The following KCNQ1 variants were observed in gnomAD, a reference collection of about 807,000 sequenced individuals.
KCNQ1 encodes the protein potassium voltage-gated channel subfamily KQT member 1.
KCNQ1 carries 49 observed loss-of-function variants against 72.4 expected under a neutral mutation model. The observed-to-expected ratio is 0.68, with a 90% CI of 0.54 to 0.86. KCNQ1 has a LOEUF of 0.86. Ranked by LOEUF, KCNQ1 falls within the 40% of genes least tolerant of loss-of-function variation. The pLI is 0.00. For missense variants in KCNQ1, 790 were observed against 945.1 expected (o/e 0.84, Z 2.15); for synonymous variants, 450 against 412.6 (o/e 1.09, Z -1.10).
rs1850126800 is a variant in KCNQ1 at position 2,668,662 on chromosome 11, T to C, written c.1514+6581T>C. 1 of 398,644 alleles carries C rather than the reference T, an allele frequency of 2.5e-6. No individual in the cohort carries two copies. The highest frequency in any genetic ancestry group is 6.3e-4 in the Middle Eastern group (1 of 1,588). The allele number at this position is 398,644 out of a possible 1,614,324, so 24.7% of individuals were successfully genotyped here. A position where few individuals can be genotyped will look rare whatever the true frequency, so the allele number is the denominator to read the frequency against. On this transcript the variant is annotated intron_variant, in intron 11 of 15. Transcript: ENST00000155840. The surrounding 1 kb of genome is among the most constrained non-coding windows in gnomAD (Gnocchi z 4.3). The stretch of plus-strand genomic sequence containing the variant: ...TGGTCCTATATATCTTTAGATATTC[T>C]GGAGTCATTTGTCAGAGAGAGAGAT...
At chr11:2,709,790 C>G (rs943352415) in intron 11 of KCNQ1, among the ~76,000 whole-genome samples, 7 of 152,206 alleles carry the variant, frequency 4.6e-5, no homozygotes. Flanking sequence ...TTTCGAGGTT[C>G]ATTCATGCTG....
At chr11:2,622,908 T>G (rs1028287828) in intron 10 of KCNQ1, 1 of 398,528 alleles carries the variant, frequency 2.5e-6, no homozygotes. Context: ...TAGTTAACAT[T>G]AGGGCTCACT....
At chr11:2,755,288 T>A (rs1846281837) in intron 11 of KCNQ1, among the ~76,000 whole-genome samples, 1 of 152,184 alleles carries the variant, frequency 6.6e-6, no homozygotes, top group Non-Finnish European at 1.5e-5. Context: ...TTTTGCTCTG[T>A]GACCCGGGTT....
rs1385745165 is a variant in KCNQ1, at chr11:2,826,617, CAA to C, written c.1795-21149_1795-21148del. ...GAAATGCCCTGGATTGGCTGTGGCA[CAA>C]GAGGGCTGGCCCAGCACACCCAGCC... On this transcript the variant is annotated intron_variant, in intron 15 of 15. Transcript: ENST00000155840. This position sits in a 1 kb window ranked among gnomAD's most constrained non-coding sequence, Gnocchi z 4.2. Among the ~76,000 whole-genome samples the C allele has an allele frequency of 1.3e-5, 2 of 152,220 alleles. No homozygotes were observed. Among genetic ancestry groups the C allele is most frequent in the Non-Finnish European group, 2.9e-5 (2 of 68,038 alleles).
chr11:2,663,354 T>C lies in KCNQ1; in HGVS notation c.1514+1273T>C. 2.5e-6 allele frequency: 1 copy of C among 398,810 alleles called. No individual in the cohort carries two copies. Among genetic ancestry groups the C allele is most frequent in the East Asian group, 3.6e-5 (1 of 28,070 alleles). 24.7% of individuals were successfully genotyped at this position (398,810 alleles called of 1,614,324 possible). A position where few individuals can be genotyped will look rare whatever the true frequency, so the allele number is the denominator to read the frequency against. On this transcript the variant is annotated intron_variant, in intron 11 of 15. Transcript: ENST00000155840. This position sits in a 1 kb window ranked among gnomAD's most constrained non-coding sequence, Gnocchi z 5.2. The stretch of plus-strand genomic sequence containing the variant: ...AGGTGTGAGCAGGCTGGTAGCCAGA[T>C]GGGCTGCCCAGGTACAGGTCAGCAC...
intron 11 of KCNQ1, chr11:2,681,981 T>A: frequency 2.5e-6 from 1 of 398,628 alleles, no homozygotes; most frequent in Non-Finnish European, 4.4e-6. Flanking sequence ...CAGGCAAATA[T>A]AGACATCATT....
In KCNQ1 at chr11:2,746,577, A is replaced by G. The variant is rs1311066083; in HGVS notation, c.1515-22267A>G. ...AGGTGTTTGTAGGGTGTCCCTTACT[A>G]GGATCCGTCTGCTGCTGTCCTCACG... On this transcript the variant is annotated intron_variant, in intron 11 of 15. Transcript: ENST00000155840. This position sits in a 1 kb window ranked among gnomAD's most constrained non-coding sequence, Gnocchi z 5.9. 1.3e-5 allele frequency among the ~76,000 whole-genome samples: 2 copies of G among 152,124 alleles called. No homozygotes were observed. The highest frequency in any genetic ancestry group is 2.9e-5 in the Non-Finnish European group (2 of 68,010).
In KCNQ1 at chr11:2,654,067, A is replaced by G; in HGVS notation, c.1394-7894A>G. ...GGCAGCTGTTGTGGGAATGGCTTTTACACTTTCCATCCATGTCCCTTACTT... is the reference window on the plus strand; with the variant it reads ...GGCAGCTGTTGTGGGAATGGCTTTTGCACTTTCCATCCATGTCCCTTACTT... On this transcript the variant is annotated intron_variant, in intron 10 of 15. Coordinates refer to ENST00000155840, the MANE Select transcript of KCNQ1 (RefSeq NM_000218.3). This position sits in a 1 kb window ranked among gnomAD's most constrained non-coding sequence, Gnocchi z 6.4. The G allele has an allele frequency of 2.5e-6, 1 of 398,722 alleles. No individual in the cohort carries two copies. The highest frequency in any genetic ancestry group is 1.3e-4 in the South Asian group (1 of 7,866). 24.7% of individuals were successfully genotyped at this position (398,722 alleles called of 1,614,324 possible). A position where few individuals can be genotyped will look rare whatever the true frequency, so the allele number is the denominator to read the frequency against.
intron 10 of KCNQ1, chr11:2,655,023 A>T: frequency 2.5e-6 from 1 of 398,604 alleles, no homozygotes; most frequent in Non-Finnish European, 4.4e-6. Context: ...AATGAAAATC[A>T]CCCAAAGACA....
chr11:2,820,443 C>A (rs962550047), intron 15 of KCNQ1, among the ~76,000 whole-genome samples: 1 of 152,154 alleles, frequency 6.6e-6, no homozygotes, highest in African/African-American at 2.4e-5. Context: ...TCCTTTGGTG[C>A]CTAATAGGAT....
Position 2,527,958 on chromosome 11 carries a change from C to G in KCNQ1, c.417C>G (p.Phe139Leu). 6.2e-7 allele frequency: 1 copy of G among 1,614,122 alleles called. No individual in the cohort carries two copies. The highest frequency in any genetic ancestry group is 1.3e-5 in the African/African-American group (1 of 75,062). The stretch of plus-strand genomic sequence containing the variant: ...TCATCGTCCTGGTCTGCCTCATCTT[C>G]AGCGTGCTGTCCACCATCGAGCAGT... ...VFLIVLVCLI[F>L]SVLSTIEQYA... Residue 139 changes from phenylalanine (F) to leucine (L), a missense_variant, in exon 2 of 16, where the codon TTC (phenylalanine) becomes TTG (leucine). Physicochemically the swap from Phe to Leu is conservative, Grantham distance 22 (BLOSUM62 0). Coordinates refer to ENST00000155840, the MANE Select transcript of KCNQ1 (RefSeq NM_000218.3).
intron 2 of KCNQ1, among the ~76,000 whole-genome samples, chr11:2,529,720 T>G (rs1000894795): frequency 3.3e-5 from 5 of 152,194 alleles, no homozygotes; most frequent in Admixed American, 6.5e-5. Flanking sequence ...TTTGCATCTT[T>G]TGCGTTTCCA....
chr11:2,706,927 G>C (rs977836665), intron 11 of KCNQ1, among the ~76,000 whole-genome samples: 1 of 152,202 alleles, frequency 6.6e-6, no homozygotes, highest in Admixed American at 6.5e-5. Flanking sequence ...TGGGTGGAGA[G>C]GGTGCGTGAT....
intron 10 of KCNQ1, chr11:2,632,629 C>T (rs1849379186): frequency 2.5e-6 from 1 of 398,218 alleles, no homozygotes; most frequent in South Asian, 1.3e-4. Context: ...GGGTAATTAG[C>T]ATATTCATCA....
intron 10 of KCNQ1, chr11:2,629,796 T>G: frequency 2.5e-6 from 1 of 398,394 alleles, no homozygotes; most frequent in Middle Eastern, 6.3e-4. Context: ...TTTACTGAGT[T>G]AGATTATTAC....
chr11:2,795,070 C>T (rs1355893220), intron 15 of KCNQ1, among the ~76,000 whole-genome samples: 1 of 152,170 alleles, frequency 6.6e-6, no homozygotes, highest in Non-Finnish European at 1.5e-5. Flanking sequence ...AGGGGTCTTC[C>T]CATCTAACTC....
chr11:2,807,418 C>T (rs956962783), intron 15 of KCNQ1, among the ~76,000 whole-genome samples: 2 of 152,214 alleles, frequency 1.3e-5, no homozygotes, highest in African/African-American at 2.4e-5. Context: ...GGGACTGTGC[C>T]GCCCGCGGTC....
chr11:2,658,120 C>G lies in KCNQ1; in HGVS notation c.1394-3841C>G. The G allele has an allele frequency of 2.5e-6, 1 of 398,550 alleles. No homozygotes were observed. Among genetic ancestry groups the G allele is most frequent in the Non-Finnish European group, 4.4e-6 (1 of 226,030 alleles). The allele number at this position is 398,550 out of a possible 1,614,324, so 24.7% of individuals were successfully genotyped here. ...CCTGCAGGAGAGTATCAAAAAAAAT[C>G]TGCAAATATGTTAAAACTACCACAG... is the stretch of plus-strand genomic sequence containing the variant. On this transcript the variant is annotated intron_variant, in intron 10 of 15. Transcript: ENST00000155840. The surrounding 1 kb of genome is among the most constrained non-coding windows in gnomAD (Gnocchi z 4.9).
chr11:2,521,900 T>G (rs1055677324), intron 1 of KCNQ1, among the ~76,000 whole-genome samples: 2 of 151,880 alleles, frequency 1.3e-5, no homozygotes, highest in Admixed American at 1.3e-4. Context: ...GGTCATGGAG[T>G]CTCCAGCCTT....
Sources: allele counts gnomAD v4.1 joint callset (sites outside exome capture counted in the v4.1 genomes callset), GRCh38; gene constraint gnomAD v4.1.1; non-coding constraint Gnocchi (gnomAD v3.1); transcripts MANE v1.5; gene names NCBI Gene and HGNC (gene_info 2026-07-23, HGNC 2026-07-21).